TBCK: variants seen among roughly 807,000 people sequenced by gnomAD.
TBCK encodes the protein TBC domain-containing protein kinase-like protein.
In TBCK, 99 loss-of-function variants were observed where a neutral mutation model predicts 113.4. That is an observed-to-expected ratio of 0.87 (90% CI 0.74 to 1.03). The LOEUF (loss-of-function observed/expected upper bound fraction) is 1.03, where lower values mean the gene tolerates loss of function less well. Ranked by LOEUF, TBCK falls within the 50% of genes least tolerant of loss-of-function variation. The pLI, the probability that TBCK is intolerant of heterozygous loss-of-function variation, is 0.00. For missense variants in TBCK, 1,045 were observed against 1,061.3 expected, an observed-to-expected ratio of 0.98 and a Z score of 0.21; for synonymous variants, 369 against 370.8, an observed-to-expected ratio of 1.00 and a Z score of 0.05.
At position 106,043,321 on chromosome 4, in the gene TBCK, T is replaced by C. The variant is rs1044194051; in HGVS notation, c.*3249A>G. 3.3e-5 allele frequency: 5 copies of C among 152,186 alleles called. No homozygotes were observed. The highest frequency in any genetic ancestry group is 5.9e-5 in the Non-Finnish European group (4 of 68,040). The allele number at this position is 152,186 out of a possible 1,614,324, so 9.4% of individuals were successfully genotyped here. The stretch of plus-strand genomic sequence containing the variant: ...CTGGATGGGACTTTAGAGATCCTTT[T>C]TTCACTCCATGAATTGAGATTTCAA... On this transcript the variant is annotated 3_prime_UTR_variant, in exon 26 of 26. Coordinates refer to ENST00000394708, the MANE Select transcript of TBCK (RefSeq NM_001163435.3).
chr4:106,128,380 T>G (rs565030499), intron 23 of TBCK, among the ~76,000 whole-genome samples: 44 of 152,214 alleles, frequency 2.9e-4, no homozygotes, highest in Non-Finnish European at 5.4e-4. Context: ...GCAGAGTTAC[T>G]GAAATCAAGA....
At chr4:106,296,987 AAAG>A (rs145564755) in intron 2 of TBCK, among the ~76,000 whole-genome samples, 4,096 of 152,230 alleles carry the variant, frequency 0.027, 178 homozygotes, top group African/African-American at 0.094. Context: ...CAGAAAACCA[AAAG>A]AAGAAGCTGC....
chr4:106,051,422 C>T (rs1224097800), intron 25 of TBCK, among the ~76,000 whole-genome samples: 1 of 151,908 alleles, frequency 6.6e-6, no homozygotes, highest in African/African-American at 2.4e-5. Flanking sequence ...TTTTATCTGG[C>T]CATTCCTTTC....
In TBCK at chr4:106,290,216, T is replaced by C. The variant is rs554969835; in HGVS notation, c.266+4878A>G. Among the ~76,000 whole-genome samples the C allele has an allele frequency of 6.6e-4, 100 of 152,216 alleles. 3 individuals carry two copies. The highest frequency in any genetic ancestry group is 3.4e-3 in the Middle Eastern group (1 of 294). On this transcript the variant is annotated intron_variant, in intron 3 of 25. Coordinates refer to ENST00000394708, the MANE Select transcript of TBCK (RefSeq NM_001163435.3). ...ATTTAGAGATGGAGTTTCACTCTGT[T>C]GCCCAGGCTGGAGTGCAGTGGCGTG...
At chr4:106,190,631 CATAAAAT>C (rs1753552585) in intron 22 of TBCK, among the ~76,000 whole-genome samples, 1 of 152,204 alleles carries the variant, frequency 6.6e-6, no homozygotes, top group Non-Finnish European at 1.5e-5. Flanking sequence ...TTCTATGCTA[CATAAAAT>C]ATAAGTGTGA....
chr4:106,103,752 T>C (rs1488687152), intron 24 of TBCK, among the ~76,000 whole-genome samples: 1 of 152,134 alleles, frequency 6.6e-6, no homozygotes, highest in Non-Finnish European at 1.5e-5. Context: ...GTGGCTCTCA[T>C]GGAGAAAAAC....
chr4:106,135,501 A>G (rs1176680460), intron 23 of TBCK, among the ~76,000 whole-genome samples: 1 of 99,418 alleles, frequency 1.0e-5, no homozygotes, highest in Non-Finnish European at 2.6e-5. Context: ...GGTGCATACT[A>G]TGAGAACTCA....
In TBCK at chr4:106,119,460, A is replaced by G. The variant is rs566453646; in HGVS notation, c.2236-3082T>C. Among the ~76,000 whole-genome samples, 3 of 152,316 alleles carry G rather than the reference A, an allele frequency of 2.0e-5. No homozygotes were observed. The South Asian group carries it at 6.2e-4, about 32-fold the overall frequency. Reference sequence around the variant, plus strand: ...GGTGCTAGAAAAACTGAATATCTATATGCAGAAAAATGAAACTAGACCCCT... The same window carrying G: ...GGTGCTAGAAAAACTGAATATCTATGTGCAGAAAAATGAAACTAGACCCCT... On this transcript the variant is annotated intron_variant, in intron 23 of 25. Transcript: ENST00000394708.
At chr4:106,074,543 T>C (rs1737933883) in intron 25 of TBCK, among the ~76,000 whole-genome samples, 1 of 152,184 alleles carries the variant, frequency 6.6e-6, no homozygotes, top group African/African-American at 2.4e-5. Flanking sequence ...AATAAATAAT[T>C]TGTGCAAATT....
chr4:106,196,952 A>C (rs1754304359), intron 20 of TBCK, among the ~76,000 whole-genome samples: 2 of 152,138 alleles, frequency 1.3e-5, no homozygotes, highest in South Asian at 4.1e-4. Context: ...GATCTATGGA[A>C]GAATTCTGCT....
chr4:106,274,988 T>C (rs1369137138), intron 3 of TBCK, among the ~76,000 whole-genome samples: 2 of 151,974 alleles, frequency 1.3e-5, no homozygotes, highest in Non-Finnish European at 2.9e-5. Context: ...TTAAAGTATG[T>C]AGGTGTGGTG....
chr4:106,294,277 C>T (rs1766032914), intron 3 of TBCK, among the ~76,000 whole-genome samples: 1 of 151,654 alleles, frequency 6.6e-6, no homozygotes, highest in Non-Finnish European at 1.5e-5. Flanking sequence ...ACAACCTCCG[C>T]CCCGCGGGTT....
intron 3 of TBCK, among the ~76,000 whole-genome samples, chr4:106,282,619 T>C (rs970856981): frequency 2.6e-5 from 4 of 152,182 alleles, no homozygotes; most frequent in African/African-American, 7.2e-5. Flanking sequence ...CATTCCATTA[T>C]TGTTTCAAGA....
At chr4:106,134,884 A>G (rs1746379871) in intron 23 of TBCK, among the ~76,000 whole-genome samples, 1 of 152,184 alleles carries the variant, frequency 6.6e-6, no homozygotes, top group African/African-American at 2.4e-5. Flanking sequence ...CCTAAGCTGT[A>G]AAATGAGAAT....
chr4:106,070,559 A>T (rs1484784316), intron 25 of TBCK, among the ~76,000 whole-genome samples: 1 of 151,286 alleles, frequency 6.6e-6, no homozygotes, highest in Non-Finnish European at 1.5e-5. Flanking sequence ...TTTATTGAGG[A>T]TTTTCGCATG....
intron 10 of TBCK, among the ~76,000 whole-genome samples, chr4:106,246,136 A>G (rs1490901976): frequency 6.6e-6 from 1 of 152,154 alleles, no homozygotes; most frequent in Non-Finnish European, 1.5e-5. Flanking sequence ...CCAGACAGAA[A>G]TACAGAATTA....
At chr4:106,050,218 C>T (rs955215628) in intron 25 of TBCK, among the ~76,000 whole-genome samples, 3 of 151,814 alleles carry the variant, frequency 2.0e-5, no homozygotes, top group African/African-American at 7.3e-5. Flanking sequence ...AACTAAGACT[C>T]AGAATATAAA....
intron 19 of TBCK, among the ~76,000 whole-genome samples, chr4:106,217,141 GA>G (rs1317807267): frequency 2.6e-5 from 4 of 151,734 alleles, no homozygotes; most frequent in African/African-American, 9.7e-5. Context: ...AATAGATGCA[GA>G]AAAGGCCTTT....
intron 22 of TBCK, among the ~76,000 whole-genome samples, chr4:106,187,070 G>A (rs144261315): frequency 3.9e-5 from 6 of 152,186 alleles, no homozygotes; most frequent in South Asian, 2.1e-4. Context: ...TTAATTCTGC[G>A]TTCTCTAACC....
Sources: gnomAD v4.1 joint callset for allele counts (sites outside exome capture counted in the v4.1 genomes callset) on GRCh38, gnomAD v4.1.1 for gene constraint, MANE v1.5 for transcripts, NCBI Gene and HGNC (gene_info 2026-07-23, HGNC 2026-07-21) for gene names.